Variants in RCCD1 observed in about 807,000 individuals in gnomAD.
The protein encoded by RCCD1 is RCC1 domain containing 1.
In RCCD1, 40 loss-of-function variants were observed where a neutral mutation model predicts 37.6. The ratio of observed to expected loss-of-function variants is 1.06; its 90% CI spans 0.83 to 1.39. The LOEUF is 1.39. RCCD1 is among the 40% of genes most tolerant of loss of function. The pLI is 0.00. For missense variants in RCCD1, 577 were observed against 517.3 expected, an observed-to-expected ratio of 1.12 and a Z score of -1.12; for synonymous variants, 263 against 230.0, an observed-to-expected ratio of 1.14 and a Z score of -1.30.
rs531863066 is a variant in RCCD1, at chr15:90,961,704, G to A, written c.1066G>A (p.Val356Ile). 31 of 1,614,208 alleles carry A rather than the reference G, an allele frequency of 1.9e-5. No individual in the cohort carries two copies. In the East Asian group the frequency reaches 6.0e-4, roughly 31 times the overall value. ...VEYFVDKQLQ[V>I]KAVTCGPWNT... ...ATACTTTGTAGATAAGCAACTCCAA[G>A]TAAAGGCTGTCACCTGTGGGCCGTG... The change falls in exon 8 of 8, where the codon GTA becomes ATA. Residue 356 changes from valine to isoleucine, a missense_variant. Transcript: ENST00000394258.
chr15:90,961,572 G>C (rs772860916), intron 7 of RCCD1, 46 bp from the exon 8 acceptor site: 19 of 1,578,788 alleles, frequency 1.2e-5, no homozygotes, highest in Admixed American at 1.7e-5. Context: ...GAAAGCAGCA[G>C]CAAGACCCAG....
chr15:90,958,343 A>AG (rs1396749317), intron 4 of RCCD1, among the ~76,000 whole-genome samples: 1 of 152,108 alleles, frequency 6.6e-6, no homozygotes, highest in African/African-American at 2.4e-5. Flanking sequence ...TACCAATGCC[A>AG]GGGGGCCGGG....
At position 90,962,535 on chromosome 15, in the gene RCCD1, G is replaced by A. The variant is rs1207129859; in HGVS notation, c.*766G>A. On this transcript the variant is annotated 3_prime_UTR_variant, in exon 8 of 8. Transcript: ENST00000394258. The stretch of plus-strand genomic sequence containing the variant: ...GGGTCTACTGTGGCTAAAATGTCAG[G>A]TAGATGCACACTGGTTTTAATTGGC... 1 of 152,142 alleles carries A rather than the reference G, an allele frequency of 6.6e-6. No individual in the cohort carries two copies. The highest frequency in any genetic ancestry group is 2.4e-5 in the African/African-American group (1 of 41,422). 9.4% of individuals were successfully genotyped at this position (152,142 alleles called of 1,614,324 possible).
intron 7 of RCCD1, chr15:90,961,376 T>C (rs900763272): frequency 1.7e-5 from 10 of 583,894 alleles, no homozygotes; most frequent in African/African-American, 9.3e-5. Flanking sequence ...TCGATGGAAG[T>C]GTGTGCTCTG....
chr15:90,959,788 T>G (rs2151381993), intron 4 of RCCD1, 112 bp from the exon 5 acceptor site: 1 of 803,762 alleles, frequency 1.2e-6, no homozygotes, highest in East Asian at 2.6e-5. Context: ...GAGTGCTACC[T>G]TGGGCAGGGC....
chr15:90,955,395 A>C (rs1476570128), intron 1 of RCCD1: 2 of 152,236 alleles, frequency 1.3e-5, no homozygotes, highest in African/African-American at 4.8e-5. Flanking sequence ...GTTTCCTCCA[A>C]GGCTGCCCAC....
At chr15:90,957,529 G>A (rs1409557470) in intron 3 of RCCD1, 26 bp downstream of exon 3, 2 of 1,596,696 alleles carry the variant, frequency 1.3e-6, no homozygotes, top group Non-Finnish European at 1.7e-6. Context: ...GGCAGGTGAG[G>A]GCTGCTGATT....
chr15:90,957,809 C>G, intron 4 of RCCD1, 84 bp downstream of exon 4: 1 of 1,492,588 alleles, frequency 6.7e-7, no homozygotes. Context: ...TGGGGGCCTA[C>G]CCAGGCCTCC....
chr15:90,955,650 G>A (rs2037166189), intron 1 of RCCD1: 1 of 151,304 alleles, frequency 6.6e-6, no homozygotes, highest in Admixed American at 6.6e-5. Flanking sequence ...TCGAGCCCAG[G>A]AATTTGAGAC....
intron 4 of RCCD1, among the ~76,000 whole-genome samples, chr15:90,958,002 T>G (rs1446899189): frequency 1.3e-5 from 2 of 152,160 alleles, no homozygotes; most frequent in East Asian, 1.9e-4. Context: ...CAGGACTGTC[T>G]CTTAACAGTG....
In RCCD1 at chr15:90,956,830, C is replaced by T; in HGVS notation, c.96C>T (p.Pro32=). ...GSGRGRQVHS[P]SPLRAGVDIC... is the part of the protein sequence containing the mutation. ...GACGCGGGCGCCAGGTGCACAGCCC[C>T]AGTCCGCTGCGGGCGGGCGTCGACA... The change falls in exon 2 of 8, where the codon CCC becomes CCT. Residue 32 remains proline (P), a synonymous_variant. Transcript: ENST00000394258. 1 of 1,302,112 alleles carries T rather than the reference C, an allele frequency of 7.7e-7. No homozygotes were observed. The highest frequency in any genetic ancestry group is 9.8e-7 in the Non-Finnish European group (1 of 1,025,418). The allele number at this position is 1,302,112 out of a possible 1,614,324, so 80.7% of individuals were successfully genotyped here.
chr15:90,961,361 A>C, intron 7 of RCCD1: 1 of 580,140 alleles, frequency 1.7e-6, no homozygotes, highest in Non-Finnish European at 3.1e-6. Flanking sequence ...GGTGGAGAAA[A>C]AGATTCGATG....
rs74457177 is a variant in RCCD1, at chr15:90,960,572, C to A, written c.949+74C>A. ...GAAGGGGGTGTGGTCGACGGAAAAA[C>A]TTCTGTCTTAAGGCTTCTGTGGCTC... On this transcript the variant is annotated intron_variant, in intron 6 of 7. Coordinates refer to ENST00000394258, the MANE Select transcript of RCCD1 (RefSeq NM_001017919.2). The A allele has an allele frequency of 2.9e-3, 4,242 of 1,445,782 alleles. 99 individuals are homozygous for A. In the African/African-American group the frequency reaches 0.052, roughly 18 times the overall value. The allele number at this position is 1,445,782 out of a possible 1,614,324, so 89.6% of individuals were successfully genotyped here. A position where few individuals can be genotyped will look rare whatever the true frequency, so the allele number is the denominator to read the frequency against.
At position 90,962,138 on chromosome 15, in the gene RCCD1, T is replaced by C. The variant is rs2151383124; in HGVS notation, c.*369T>C. On this transcript the variant is annotated 3_prime_UTR_variant, in exon 8 of 8. Transcript: ENST00000394258. ...TCTTCTGTCAGTCATTTCCCTGCTT[T>C]CGTTTGAATTTTACCATTCTTGTAT... 1 of 167,346 alleles carries C rather than the reference T, an allele frequency of 6.0e-6. No homozygotes were observed. The highest frequency in any genetic ancestry group is 3.0e-3 in the Middle Eastern group (1 of 332). 10.4% of individuals were successfully genotyped at this position (167,346 alleles called of 1,614,324 possible). A position where few individuals can be genotyped will look rare whatever the true frequency, so the allele number is the denominator to read the frequency against.
Position 90,957,631 on chromosome 15 carries a change from G to C in RCCD1, c.585G>C (p.Leu195=). Residue 195 remains leucine, a synonymous_variant, in exon 4 of 8, where the codon CTG becomes CTC. Coordinates refer to ENST00000394258, the MANE Select transcript of RCCD1 (RefSeq NM_001017919.2). The part of the protein sequence containing the change: ...GRHGQLGHGT[L]EAELEPRLLE... ...ATGGACAGCTGGGCCATGGGACCCT[G>C]GAGGCAGAGCTGGAGCCACGGCTGT... 2 of 1,614,208 alleles carry C rather than the reference G, an allele frequency of 1.2e-6. No individual in the cohort carries two copies. Among genetic ancestry groups the C allele is most frequent in the Non-Finnish European group, 1.7e-6 (2 of 1,180,042 alleles).
chr15:90,956,748 G>C lies in RCCD1; in HGVS notation c.14G>C (p.Arg5Pro), dbSNP rs1236331980. 7.6e-7 allele frequency: 1 copy of C among 1,318,164 alleles called. No homozygotes were observed. The highest frequency in any genetic ancestry group is 9.7e-7 in the Non-Finnish European group (1 of 1,034,078). 81.7% of individuals were successfully genotyped at this position (1,318,164 alleles called of 1,614,324 possible). A position where few individuals can be genotyped will look rare whatever the true frequency, so the allele number is the denominator to read the frequency against. The change falls in exon 2 of 8, where the codon CGG (arginine) becomes CCG (proline). Residue 5 changes from arginine (R) to proline (P), a missense_variant. By Grantham distance (103) the Arg-to-Pro change is moderately radical. Coordinates refer to ENST00000394258, the MANE Select transcript of RCCD1 (RefSeq NM_001017919.2). ...CGCTGCTCGGGCATGGCGGAGGAGC[G>C]GCCGGGGGCCTGGTTCGGCTTCGGT... MAEE[R>P]PGAWFGFGFC... is the part of the protein sequence containing the mutation.
intron 4 of RCCD1, among the ~76,000 whole-genome samples, chr15:90,958,905 G>T (rs1186118905): frequency 6.9e-6 from 1 of 144,286 alleles, no homozygotes; most frequent in Non-Finnish European, 1.5e-5. Flanking sequence ...CTGCACTCCA[G>T]TCTGAGTGAC....
Position 90,961,070 on chromosome 15 carries a change from G to T in RCCD1, c.979+16G>T. ...TGGGGCTGGGGTAAGTAAAAGGATT[G>T]TTTTTGTGACCCTGAAACCAAGGAG... is the stretch of plus-strand genomic sequence containing the variant. On this transcript the variant is annotated intron_variant, in intron 7 of 7. Coordinates refer to ENST00000394258, the MANE Select transcript of RCCD1 (RefSeq NM_001017919.2). The T allele has an allele frequency of 6.2e-7, 1 of 1,613,250 alleles. No homozygotes were observed. Among genetic ancestry groups the T allele is most frequent in the East Asian group, 2.2e-5 (1 of 44,852 alleles).
intron 1 of RCCD1, among the ~76,000 whole-genome samples, chr15:90,956,126 G>A (rs1183065718): frequency 6.6e-6 from 1 of 152,138 alleles, no homozygotes; most frequent in Non-Finnish European, 1.5e-5. Flanking sequence ...GATTGGCTGC[G>A]GTCCCAAGGC....
Sources: allele counts gnomAD v4.1 joint callset (sites outside exome capture counted in the v4.1 genomes callset), GRCh38; gene constraint gnomAD v4.1.1; transcripts MANE v1.5; gene names NCBI Gene and HGNC (gene_info 2026-07-23, HGNC 2026-07-21).